The following EFCAB13 variants were observed in gnomAD, a reference collection of about 807,000 sequenced individuals.
EFCAB13 encodes the protein EF-hand calcium-binding domain-containing protein 13.
Under a neutral mutation model 110.2 loss-of-function variants are expected in EFCAB13, and 91 were observed. That is an observed-to-expected ratio of 0.83 (90% CI 0.70 to 0.98). The LOEUF is 0.98. EFCAB13 is among the 50% of genes least tolerant of loss of function. EFCAB13 has a pLI of 0.00. For synonymous variants in EFCAB13, 323 were observed against 369.9 expected, an observed-to-expected ratio of 0.87 and a Z score of 1.45; for missense variants, 968 against 1,119.4, an observed-to-expected ratio of 0.86 and a Z score of 1.93.
Position 47,335,248 on chromosome 17 carries a change from A to G in EFCAB13, c.83A>G (p.Asp28Gly), listed in dbSNP as rs1250756259. ...LDDGSNSFAT[D>G]LSSGTINHKK... ...GATGGCTCTAATTCTTTTGCAACTG[A>G]CTTGTCATCAGGAACTATTAACCAC... Residue 28 changes from aspartate to glycine, a missense_variant, in exon 5 of 25, where the codon GAC (aspartate) becomes GGC (glycine). Coordinates refer to ENST00000331493, the MANE Select transcript of EFCAB13 (RefSeq NM_152347.5). The G allele has an allele frequency of 6.2e-7, 1 of 1,611,166 alleles. No individual in the cohort carries two copies. The highest frequency in any genetic ancestry group is 1.3e-5 in the African/African-American group (1 of 74,774).
rs777660847 is a variant in EFCAB13, at chr17:47,403,894, C to T, written c.2034C>T (p.Val678=). Residue 678 remains valine, a synonymous_variant, in exon 19 of 25, where the codon GTC becomes GTT. Transcript: ENST00000331493. The part of the protein sequence containing the change: ...AARLEELQEV[V]LAADLLEGDM... Reference sequence around the variant, plus strand: ...TATTTATAGAGTTACAGGAAGTTGTCTTAGCTGCTGATTTGCTGGAAGGTG... The same window carrying T: ...TATTTATAGAGTTACAGGAAGTTGTTTTAGCTGCTGATTTGCTGGAAGGTG... The T allele has an allele frequency of 8.1e-6, 13 of 1,605,994 alleles. No individual in the cohort carries two copies. The South Asian group carries it at 1.5e-4, about 18-fold the overall frequency.
rs1200268467 is a variant in EFCAB13 at position 47,441,264 on chromosome 17, G to C, written c.*550G>C. 1 of 151,690 alleles carries C rather than the reference G, an allele frequency of 6.6e-6. No homozygotes were observed. The highest frequency in any genetic ancestry group is 2.4e-5 in the African/African-American group (1 of 41,230). The allele number at this position is 151,690 out of a possible 1,614,324, so 9.4% of individuals were successfully genotyped here. ...AAAAAATGGATTCTGATTGGTTCTG[G>C]TTGCAGTATTACAAATTCCAAATAA... On this transcript the variant is annotated 3_prime_UTR_variant, in exon 25 of 25. Coordinates refer to ENST00000331493, the MANE Select transcript of EFCAB13 (RefSeq NM_152347.5).
At chr17:47,424,872 A>ATTTTTTTT (rs1459453287) in intron 23 of EFCAB13, among the ~76,000 whole-genome samples, 2 of 68,344 alleles carry the variant, frequency 2.9e-5, no homozygotes, top group Non-Finnish European at 5.7e-5. Context: ...CCGGTTGACA[A>ATTTTTTTT]TCTTTTTTTT....
At chr17:47,337,145 CTAGGAAGAAAAGGAAGGTCGTGGGAGGT>C (rs1456864645) in intron 5 of EFCAB13, among the ~76,000 whole-genome samples, 1 of 152,128 alleles carries the variant, frequency 6.6e-6, no homozygotes, top group Non-Finnish European at 1.5e-5. Flanking sequence ...AACTTGTTAC[CTAGGAAGAAAAGGAAGGTCGTGGGAGGT>C]TAGGAAGAAA....
intron 9 of EFCAB13, among the ~76,000 whole-genome samples, chr17:47,348,534 A>C (rs1426091892): frequency 1.3e-5 from 2 of 151,994 alleles, no homozygotes; most frequent in Admixed American, 6.6e-5. Flanking sequence ...TTTTTCCCTT[A>C]ATATTATATG....
At chr17:47,367,518 G>C (rs2065554568) in intron 10 of EFCAB13, among the ~76,000 whole-genome samples, 2 of 152,216 alleles carry the variant, frequency 1.3e-5, no homozygotes, top group Admixed American at 1.3e-4. Flanking sequence ...GAGCCGGGTG[G>C]AGCTGTGGTC....
At chr17:47,360,264 T>C (rs1165982140) in intron 9 of EFCAB13, among the ~76,000 whole-genome samples, 1 of 152,142 alleles carries the variant, frequency 6.6e-6, no homozygotes, top group African/African-American at 2.4e-5. Context: ...TGTTCCTATT[T>C]CTCCACATCC....
chr17:47,341,409 A>C (rs983794058), intron 5 of EFCAB13: 1 of 153,086 alleles, frequency 6.5e-6, no homozygotes, highest in African/African-American at 2.4e-5. Context: ...TTGCTGTGTC[A>C]CCCAGGCTGG....
chr17:47,414,512 C>CA (rs59295107), intron 22 of EFCAB13, among the ~76,000 whole-genome samples: 3,595 of 97,006 alleles, frequency 0.037, 156 homozygotes, highest in African/African-American at 0.12. Flanking sequence ...GACTCCATCT[C>CA]AAAAAAAAAA....
At chr17:47,400,014 T>G (rs908013809) in intron 17 of EFCAB13, among the ~76,000 whole-genome samples, 1 of 152,194 alleles carries the variant, frequency 6.6e-6, no homozygotes, top group South Asian at 2.1e-4. Context: ...TTAATAGGTG[T>G]TGTTAGGCAT....
chr17:47,339,004 T>C (rs1436824558), intron 5 of EFCAB13, among the ~76,000 whole-genome samples: 1 of 151,974 alleles, frequency 6.6e-6, no homozygotes, highest in Non-Finnish European at 1.5e-5. Flanking sequence ...TAAAATAAAA[T>C]AAATAAATAA....
intron 21 of EFCAB13, among the ~76,000 whole-genome samples, chr17:47,410,466 G>A (rs989159000): frequency 2.0e-5 from 3 of 152,080 alleles, no homozygotes; most frequent in African/African-American, 7.2e-5. Flanking sequence ...TCCATCCCTG[G>A]CCCTCAAAAT....
chr17:47,331,174 C>T (rs1015179327), intron 4 of EFCAB13, among the ~76,000 whole-genome samples: 8 of 151,768 alleles, frequency 5.3e-5, no homozygotes, highest in South Asian at 2.1e-4. Flanking sequence ...GATATTAGTC[C>T]TTTGTTGGAT....
At chr17:47,366,271 G>C (rs761777045) in intron 10 of EFCAB13, among the ~76,000 whole-genome samples, 10 of 151,986 alleles carry the variant, frequency 6.6e-5, no homozygotes, top group Admixed American at 2.0e-4. Context: ...AGTTCTTAGA[G>C]GGTCAGGTAT....
intron 15 of EFCAB13, among the ~76,000 whole-genome samples, chr17:47,393,751 AATAAAAATAAAAAT>A (rs1397704346): frequency 6.7e-6 from 1 of 149,502 alleles, no homozygotes; most frequent in East Asian, 2.0e-4. Context: ...TAAATAAATA[AATAAAAATAAAAAT>A]AAATAAAAGT....
chr17:47,341,820 TCTGTATA>T, intron 5 of EFCAB13, 94 bp from the exon 6 acceptor site: 1 of 663,118 alleles, frequency 1.5e-6, no homozygotes, highest in Admixed American at 3.1e-5. Flanking sequence ...GTGATGGGAT[TCTGTATA>T]CTTTTGTATA....
chr17:47,417,534 T>A (rs1904491121), intron 23 of EFCAB13, among the ~76,000 whole-genome samples: 1 of 152,240 alleles, frequency 6.6e-6, no homozygotes, highest in South Asian at 2.1e-4. Context: ...TTGCATTGCT[T>A]CTTCTATGCC....
In EFCAB13 at chr17:47,353,572, A is replaced by G. The variant is rs1180695639; in HGVS notation, c.661+5621A>G. Among the ~76,000 whole-genome samples, 3 of 152,202 alleles carry G rather than the reference A, an allele frequency of 2.0e-5. No individual in the cohort carries two copies. The East Asian group carries it at 5.8e-4, about 29-fold the overall frequency. ...TGGTCTCCCAAAGTGTTGGAATTAC[A>G]GGTGTGAGCCACTGCACCCAGCCCA... On this transcript the variant is annotated intron_variant, in intron 9 of 24. Coordinates refer to ENST00000331493, the MANE Select transcript of EFCAB13 (RefSeq NM_152347.5).
At chr17:47,353,843 TG>T (rs1239027668) in intron 9 of EFCAB13, among the ~76,000 whole-genome samples, 3 of 152,192 alleles carry the variant, frequency 2.0e-5, no homozygotes, top group African/African-American at 7.2e-5. Flanking sequence ...ACTTGGTTTT[TG>T]ACTTACATTT....
Sources: gnomAD v4.1 joint callset for allele counts (sites outside exome capture counted in the v4.1 genomes callset) on GRCh38, gnomAD v4.1.1 for gene constraint, MANE v1.5 for transcripts, NCBI Gene and HGNC (gene_info 2026-07-23, HGNC 2026-07-21) for gene names.